Variants in SLC39A10 observed in about 807,000 individuals in gnomAD.
SLC39A10 encodes the protein zinc transporter ZIP10.
In SLC39A10, 13 loss-of-function variants were observed where a neutral mutation model predicts 65.1. The ratio of observed to expected loss-of-function variants is 0.20; its 90% confidence interval spans 0.13 to 0.32. SLC39A10 has a LOEUF of 0.32. Among genes scored for constraint, SLC39A10 ranks in the 10% least tolerant of loss-of-function variants. The pLI is 1.00. For missense variants in SLC39A10, 831 were observed against 1,018.4 expected (o/e 0.82, Z 2.50); for synonymous variants, 321 against 342.2 (o/e 0.94, Z 0.68).
intron 8 of SLC39A10, among the ~76,000 whole-genome samples, chr2:195,722,448 G>T (rs952229932): frequency 1.3e-5 from 2 of 152,194 alleles, no homozygotes; most frequent in Non-Finnish European, 2.9e-5. Flanking sequence ...AATAAAGGAA[G>T]TAAAAATATG....
rs549041701 is a variant in SLC39A10 at position 195,634,481 on chromosome 2, GC to G, written c.-12+28249del. ...GTTCAACTTGATGTGCCTCCTTCCAGCTACTGTGCCTTGTTAAATGACTTGT... is the reference window on the plus strand; with the variant it reads ...GTTCAACTTGATGTGCCTCCTTCCAGTACTGTGCCTTGTTAAATGACTTGT... On this transcript the variant is annotated intron_variant, in intron 2 of 2. Transcript: ENST00000458054. Among the ~76,000 whole-genome samples the G allele has an allele frequency of 3.5e-3, 531 of 152,232 alleles. 2 individuals are homozygous for G. The highest frequency in any genetic ancestry group is 0.012 in the African/African-American group (506 of 41,538).
upstream of SLC39A10, among the ~76,000 whole-genome samples, chr2:195,654,114 T>C (rs141335019): frequency 0.023 from 3,433 of 152,158 alleles, 55 homozygotes; most frequent in Non-Finnish European, 0.03. Context: ...TAATTTTGTA[T>C]TTTTAGTAGA....
chr2:195,652,619 T>G (rs1456739360), upstream of SLC39A10, among the ~76,000 whole-genome samples: 2 of 151,328 alleles, frequency 1.3e-5, no homozygotes, highest in African/African-American at 4.9e-5. Flanking sequence ...GTTCTTATTA[T>G]GCCGATGAAG....
At position 195,715,294 on chromosome 2, in the gene SLC39A10, A is replaced by T. The variant is rs572721658; in HGVS notation, c.1697-1343A>T. On this transcript the variant is annotated intron_variant, in intron 6 of 9. Coordinates refer to ENST00000359634, the MANE Select transcript of SLC39A10 (RefSeq NM_020342.3). ...TGTCATCCCGGCACTTTGGGAGGCC[A>T]AGGTGGGCAGATCAAGAGGTCAGGA... Among the ~76,000 whole-genome samples the T allele has an allele frequency of 7.9e-5, 12 of 152,052 alleles. No homozygotes were observed. The South Asian group carries it at 2.5e-3, about 32-fold the overall frequency.
intron 1 of SLC39A10, among the ~76,000 whole-genome samples, chr2:195,665,243 G>A (rs922568045): frequency 1.3e-5 from 2 of 152,194 alleles, no homozygotes; most frequent in Non-Finnish European, 2.9e-5. Flanking sequence ...CTTGAACCTG[G>A]GAGATGGAGG....
At chr2:195,631,403 A>G (rs1214390836) in intron 2 of SLC39A10, among the ~76,000 whole-genome samples, 1 of 152,188 alleles carries the variant, frequency 6.6e-6, no homozygotes, top group Non-Finnish European at 1.5e-5. Context: ...TCATTTAACC[A>G]TAATGTAGAG....
Position 195,680,162 on chromosome 2 carries a change from T to C in SLC39A10, c.120T>C (p.His40=). ...DHGPEALHRQ[H]RGMTELEPSK... The stretch of plus-strand genomic sequence containing the variant: ...GCCCTGAAGCGCTTCACAGACAGCA[T>C]CGTGGAATGACAGAATTGGAGCCAA... The change falls in exon 2 of 10, where the codon CAT becomes CAC. Residue 40 remains histidine, a synonymous_variant. Transcript: ENST00000359634. 6.2e-7 allele frequency: 1 copy of C among 1,614,044 alleles called. No homozygotes were observed. The highest frequency in any genetic ancestry group is 8.5e-7 in the Non-Finnish European group (1 of 1,180,026).
chr2:195,729,259 A>C (rs1306707790), intron 9 of SLC39A10, among the ~76,000 whole-genome samples: 1 of 152,126 alleles, frequency 6.6e-6, no homozygotes, highest in Non-Finnish European at 1.5e-5. Context: ...TGGGATTACA[A>C]GTGTGAGCTA....
chr2:195,617,841 G>T (rs1004687540), intron 2 of SLC39A10, among the ~76,000 whole-genome samples: 1 of 151,236 alleles, frequency 6.6e-6, no homozygotes, highest in Non-Finnish European at 1.5e-5. Context: ...CTAGGGTCAC[G>T]CCATTCTCCT....
intron 2 of SLC39A10, among the ~76,000 whole-genome samples, chr2:195,617,462 T>C (rs1482332572): frequency 3.9e-5 from 6 of 151,956 alleles, no homozygotes; most frequent in Non-Finnish European, 8.8e-5. Context: ...CTCGGGAGGC[T>C]GATGCAGAAG....
intron 2 of SLC39A10, among the ~76,000 whole-genome samples, chr2:195,644,926 A>ATTTATTTG (rs1688882973): frequency 2.0e-5 from 3 of 151,290 alleles, no homozygotes; most frequent in Non-Finnish European, 4.4e-5. Flanking sequence ...TTATTTATTT[A>ATTTATTTG]GAGGCAGAGT....
chr2:195,650,802 C>T (rs768718698), intron 2 of SLC39A10, among the ~76,000 whole-genome samples: 1 of 152,042 alleles, frequency 6.6e-6, no homozygotes, highest in African/African-American at 2.4e-5. Context: ...TTGTCCCTCA[C>T]CAGAGTTGTA....
intron 8 of SLC39A10, among the ~76,000 whole-genome samples, chr2:195,724,526 T>C (rs1160219993): frequency 6.6e-6 from 1 of 152,166 alleles, no homozygotes; most frequent in Non-Finnish European, 1.5e-5. Flanking sequence ...CAAAAATCAT[T>C]TGTATTGCTA....
At chr2:195,649,615 ATTG>A (rs935590020) in intron 2 of SLC39A10, among the ~76,000 whole-genome samples, 28 of 152,236 alleles carry the variant, frequency 1.8e-4, no homozygotes, top group African/African-American at 6.8e-4. Flanking sequence ...GTGGTAACTT[ATTG>A]TTAATTCATT....
At chr2:195,646,380 A>C (rs1375814844) in intron 2 of SLC39A10, among the ~76,000 whole-genome samples, 1 of 152,162 alleles carries the variant, frequency 6.6e-6, no homozygotes, top group African/African-American at 2.4e-5. Context: ...TCCCTATCAC[A>C]GTTTCCTAAT....
intron 3 of SLC39A10, among the ~76,000 whole-genome samples, chr2:195,694,533 C>A (rs917731671): frequency 2.0e-5 from 3 of 152,178 alleles, no homozygotes; most frequent in African/African-American, 7.2e-5. Flanking sequence ...GTTCAGCCAT[C>A]CAGCAGAGAG....
chr2:195,641,965 T>C (rs1344695608), intron 2 of SLC39A10, among the ~76,000 whole-genome samples: 2 of 152,230 alleles, frequency 1.3e-5, no homozygotes, highest in African/African-American at 4.8e-5. Context: ...GTGCTGGGAT[T>C]ACAAGTGTGA....
chr2:195,732,572 A>G (rs1692462866), intron 9 of SLC39A10, among the ~76,000 whole-genome samples: 2 of 152,230 alleles, frequency 1.3e-5, no homozygotes, highest in South Asian at 2.1e-4. Context: ...TCTAGAGGGC[A>G]TATTTCTGTA....
chr2:195,683,980 A>G, intron 3 of SLC39A10, 74 bp downstream of exon 3: 1 of 986,048 alleles, frequency 1.0e-6, no homozygotes, highest in Middle Eastern at 3.2e-4. Context: ...TTGAATTAGA[A>G]AAGAATCCTA....
Sources: gnomAD v4.1 joint callset for allele counts (sites outside exome capture counted in the v4.1 genomes callset) on GRCh38, gnomAD v4.1.1 for gene constraint, MANE v1.5 for transcripts, NCBI Gene and HGNC (gene_info 2026-07-23, HGNC 2026-07-21) for gene names.